LRRC37A: variants seen among roughly 807,000 people sequenced by gnomAD.
The protein encoded by LRRC37A is leucine-rich repeat-containing protein 37A.
Under a neutral mutation model 35.4 loss-of-function variants are expected in LRRC37A, and 3 were observed. The observed-to-expected ratio is 0.08, with a 90% CI of 0.04 to 0.22. The LOEUF (loss-of-function observed/expected upper bound fraction) is 0.22, where lower values mean the gene tolerates loss of function less well. Ranked by LOEUF, LRRC37A falls within the 10% of genes least tolerant of loss-of-function variation. The pLI is 1.00. For missense variants in LRRC37A, 67 were observed against 565.3 expected (o/e 0.12, Z 8.94); for synonymous variants, 23 against 215.0 (o/e 0.11, Z 7.81).
chr17:46,283,208 C>A, the LRRC37A span, among the ~76,000 whole-genome samples: 2 of 152,180 alleles, frequency 1.3e-5, no homozygotes, highest in Admixed American at 1.3e-4. Context: ...CCAATTTATA[C>A]CCCCACCAGC....
exon 9 of LRRC37A, chr17:46,331,523 A>C: frequency 6.2e-7 from 1 of 1,607,482 alleles, no homozygotes; most frequent in Non-Finnish European, 8.5e-7. Flanking sequence ...CATCTCTGAA[A>C]ACACAAACTA....
chr17:46,291,133 G>A (rs2050054557), upstream of LRRC37A, among the ~76,000 whole-genome samples: 2 of 152,212 alleles, frequency 1.3e-5, no homozygotes, highest in Admixed American at 6.5e-5. Context: ...GAGAGAGACT[G>A]AACTTCTTCT....
the LRRC37A span, among the ~76,000 whole-genome samples, chr17:46,258,101 T>C: frequency 1.2e-4 from 19 of 152,200 alleles, no homozygotes; most frequent in Non-Finnish European, 2.2e-4. Context: ...CCTGGACTTC[T>C]CCATAGACTG....
At chr17:46,259,051 T>TTTTTTTC in the LRRC37A span, among the ~76,000 whole-genome samples, 1 of 128,598 alleles carries the variant, frequency 7.8e-6, no homozygotes, top group Non-Finnish European at 1.6e-5. Context: ...TTTTTTTTTT[T>TTTTTTTC]TTACTAACCA....
the LRRC37A span, among the ~76,000 whole-genome samples, chr17:46,286,787 T>C: frequency 6.6e-6 from 1 of 152,260 alleles, no homozygotes; most frequent in Non-Finnish European, 1.5e-5. Flanking sequence ...ATGCTCTTAT[T>C]AGAACTCACT....
the LRRC37A span, among the ~76,000 whole-genome samples, chr17:46,274,105 C>A: frequency 2.2e-4 from 34 of 152,342 alleles, no homozygotes; most frequent in Admixed American, 1.0e-3. Context: ...CAATTAGATT[C>A]TTTTGCCTTT....
the LRRC37A span, among the ~76,000 whole-genome samples, chr17:46,263,459 G>A: frequency 4.0e-5 from 6 of 149,906 alleles, no homozygotes; most frequent in Non-Finnish European, 7.4e-5. Flanking sequence ...GCTGAGACAG[G>A]AGAATCGATT....
the LRRC37A span, chr17:46,259,446 C>A: frequency 1.2e-5 from 14 of 1,187,952 alleles, no homozygotes; most frequent in Admixed American, 2.9e-4. Context: ...CATGCCCCTC[C>A]CCACCTTTGG....
the LRRC37A span, among the ~76,000 whole-genome samples, chr17:46,283,739 G>A: frequency 2.0e-5 from 3 of 152,270 alleles, no homozygotes; most frequent in Non-Finnish European, 4.4e-5. Context: ...GGGTACCTGC[G>A]TTCAGCATAT....
the LRRC37A span, among the ~76,000 whole-genome samples, chr17:46,277,641 C>CT: frequency 0.028 from 4,092 of 144,866 alleles, 1 homozygote; most frequent in Non-Finnish European, 0.042. Context: ...CTTTTCTTTT[C>CT]TTTCTTTCTT....
chr17:46,270,273 G>C, the LRRC37A span, among the ~76,000 whole-genome samples: 3 of 152,194 alleles, frequency 2.0e-5, no homozygotes, highest in Non-Finnish European at 1.5e-5. Context: ...CATCCAGGAC[G>C]GGACGCTAGG....
intron 5 of LRRC37A, among the ~76,000 whole-genome samples, chr17:46,316,575 A>G (rs2051121879): frequency 1.5e-5 from 1 of 68,356 alleles, no homozygotes; most frequent in Non-Finnish European, 4.2e-5. Context: ...AGCTGAGACT[A>G]CAGGCATGCA....
exon 9 of LRRC37A, chr17:46,331,094 A>G (rs1248767113): frequency 1.4e-6 from 1 of 718,594 alleles, no homozygotes; most frequent in Admixed American, 2.9e-5. Context: ...AGACAGATCG[A>G]AAGACTTAAC....
the LRRC37A span, among the ~76,000 whole-genome samples, chr17:46,248,790 G>T: frequency 1.3e-5 from 2 of 151,972 alleles, no homozygotes; most frequent in Admixed American, 6.5e-5. Flanking sequence ...AAAGTGCTAG[G>T]ATTACACGTG....
At chr17:46,256,648 A>G in the LRRC37A span, among the ~76,000 whole-genome samples, 1 of 152,192 alleles carries the variant, frequency 6.6e-6, no homozygotes, top group African/African-American at 2.4e-5. Context: ...GCCTCTTTAC[A>G]TATGATTAGC....
At chr17:46,268,773 C>T in the LRRC37A span, 13 of 1,079,618 alleles carry the variant, frequency 1.2e-5, no homozygotes, top group African/African-American at 2.0e-4. Context: ...GTAATGGGTC[C>T]TCCTTTAGAA....
At chr17:46,284,189 G>C in the LRRC37A span, among the ~76,000 whole-genome samples, 79 of 152,352 alleles carry the variant, frequency 5.2e-4, no homozygotes, top group African/African-American at 1.7e-3. Context: ...GGGACGGTCA[G>C]GTCTTTCCCT....
At chr17:46,262,657 T>G in the LRRC37A span, among the ~76,000 whole-genome samples, 1 of 152,106 alleles carries the variant, frequency 6.6e-6, no homozygotes, top group Non-Finnish European at 1.5e-5. Flanking sequence ...AGAATTCCCG[T>G]AACTTGTAAT....
chr17:46,252,831 C>A, the LRRC37A span, among the ~76,000 whole-genome samples: 1 of 151,218 alleles, frequency 6.6e-6, no homozygotes, highest in Non-Finnish European at 1.5e-5. Context: ...CCTTTCCCCC[C>A]TTTCTACTCC....
Sources: gnomAD v4.1 joint callset for allele counts (sites outside exome capture counted in the v4.1 genomes callset) on GRCh38, gnomAD v4.1.1 for gene constraint, MANE v1.5 for transcripts, NCBI Gene and HGNC (gene_info 2026-07-23, HGNC 2026-07-21) for gene names.